SUGCT: variants seen among roughly 807,000 people sequenced by gnomAD.
The protein encoded by SUGCT is succinyl-CoA:glutarate CoA-transferase.
In SUGCT, 41 loss-of-function variants were observed where a neutral mutation model predicts 55.0. That is an observed-to-expected ratio of 0.74 (90% CI 0.58 to 0.97). The LOEUF (loss-of-function observed/expected upper bound fraction) is 0.97. SUGCT is among the 50% of genes least tolerant of loss of function. SUGCT has a pLI of 0.00. For missense variants in SUGCT, 568 were observed against 547.8 expected (o/e 1.04, Z -0.37); for synonymous variants, 187 against 200.4 (o/e 0.93, Z 0.56).
chr7:40,662,841 C>G (rs1270706509), intron 12 of SUGCT, among the ~76,000 whole-genome samples: 2 of 152,196 alleles, frequency 1.3e-5, no homozygotes, highest in Non-Finnish European at 2.9e-5. Flanking sequence ...TAATCATGCT[C>G]TAATACTTAA....
At chr7:40,231,974 G>A (rs1451925488) in intron 6 of SUGCT, among the ~76,000 whole-genome samples, 1 of 152,106 alleles carries the variant, frequency 6.6e-6, no homozygotes, top group Admixed American at 6.6e-5. Flanking sequence ...GGTGGTGCAT[G>A]CCTGTGGTCA....
intron 12 of SUGCT, among the ~76,000 whole-genome samples, chr7:40,633,498 G>A (rs1314337855): frequency 6.6e-6 from 1 of 152,202 alleles, no homozygotes; most frequent in East Asian, 1.9e-4. Flanking sequence ...TTTATATGAA[G>A]TCTCTTGTCA....
At chr7:40,959,231 T>C in the SUGCT span, among the ~76,000 whole-genome samples, 1 of 152,242 alleles carries the variant, frequency 6.6e-6, no homozygotes, top group Non-Finnish European at 1.5e-5. Flanking sequence ...AGAGCCAGCA[T>C]GCCAGAACAT....
At chr7:40,525,093 A>G (rs1357062950) in intron 12 of SUGCT, among the ~76,000 whole-genome samples, 4 of 152,208 alleles carry the variant, frequency 2.6e-5, no homozygotes, top group African/African-American at 9.6e-5. Context: ...TTGTAAATTC[A>G]ATATAACAGA....
chr7:40,270,689 A>G (rs1000565889), intron 7 of SUGCT, among the ~76,000 whole-genome samples: 1 of 152,080 alleles, frequency 6.6e-6, no homozygotes, highest in African/African-American at 2.4e-5. Context: ...TGTTTATGGT[A>G]TTTCCATATG....
intron 12 of SUGCT, among the ~76,000 whole-genome samples, chr7:40,583,251 A>G (rs1327049403): frequency 6.6e-6 from 1 of 152,234 alleles, no homozygotes; most frequent in African/African-American, 2.4e-5. Context: ...TCATAAGGCA[A>G]TATAAAAGTC....
At chr7:40,376,623 C>A (rs1370210717) in intron 9 of SUGCT, among the ~76,000 whole-genome samples, 1 of 152,084 alleles carries the variant, frequency 6.6e-6, no homozygotes, top group Non-Finnish European at 1.5e-5. Context: ...AACTCTTGAC[C>A]TCAGGTGATC....
At chr7:40,477,089 T>A (rs529198392) in intron 11 of SUGCT, among the ~76,000 whole-genome samples, 1 of 152,220 alleles carries the variant, frequency 6.6e-6, no homozygotes, top group Non-Finnish European at 1.5e-5. Context: ...GAAACAGTAT[T>A]TGAGATAAAT....
chr7:40,784,229 G>T (rs990103447), intron 13 of SUGCT, among the ~76,000 whole-genome samples: 1 of 152,026 alleles, frequency 6.6e-6, no homozygotes, highest in African/African-American at 2.4e-5. Flanking sequence ...GGGTGAGGGG[G>T]GTAGTGAGTT....
At chr7:41,020,136 A>T in the SUGCT span, among the ~76,000 whole-genome samples, 1 of 152,246 alleles carries the variant, frequency 6.6e-6, no homozygotes, top group Non-Finnish European at 1.5e-5. Context: ...TCTGGAACTT[A>T]TCTCATGCTA....
chr7:40,729,306 G>A (rs1410330956), intron 12 of SUGCT, among the ~76,000 whole-genome samples: 13 of 152,206 alleles, frequency 8.5e-5, no homozygotes, highest in Admixed American at 8.5e-4. Flanking sequence ...AAAGGTCAGT[G>A]AGCATGTCCC....
intron 1 of SUGCT, chr7:40,153,712 C>T: frequency 2.0e-6 from 1 of 495,108 alleles, no homozygotes; most frequent in Non-Finnish European, 4.1e-6. Flanking sequence ...TAATAATCCT[C>T]TGGTTGTGAA....
At chr7:40,253,129 T>G (rs1335720898) in intron 7 of SUGCT, among the ~76,000 whole-genome samples, 7 of 152,238 alleles carry the variant, frequency 4.6e-5, no homozygotes, top group Admixed American at 4.6e-4. Flanking sequence ...ATAAGCTGTT[T>G]AGACAAACTA....
At chr7:40,778,601 T>A (rs749314991) in intron 13 of SUGCT, among the ~76,000 whole-genome samples, 4 of 152,236 alleles carry the variant, frequency 2.6e-5, no homozygotes, top group Non-Finnish European at 5.9e-5. Flanking sequence ...AAAGGAACCC[T>A]GGCATCCTGC....
intron 3 of SUGCT, among the ~76,000 whole-genome samples, chr7:40,187,113 T>G (rs1239386900): frequency 6.6e-6 from 1 of 152,108 alleles, no homozygotes; most frequent in Non-Finnish European, 1.5e-5. Flanking sequence ...CCATAAAAAA[T>G]GATGAGTTCA....
At chr7:40,190,397 G>A (rs1785819209) in intron 5 of SUGCT, among the ~76,000 whole-genome samples, 1 of 152,094 alleles carries the variant, frequency 6.6e-6, no homozygotes, top group Non-Finnish European at 1.5e-5. Context: ...TTACAGGTGT[G>A]CACTAGCACA....
the SUGCT span, among the ~76,000 whole-genome samples, chr7:40,878,060 C>T: frequency 6.6e-6 from 1 of 152,130 alleles, no homozygotes; most frequent in Non-Finnish European, 1.5e-5. Flanking sequence ...CTTGGGGGTA[C>T]TCCATTATAT....
the SUGCT span, among the ~76,000 whole-genome samples, chr7:40,932,332 CT>C: frequency 1.3e-5 from 2 of 152,140 alleles, no homozygotes; most frequent in Non-Finnish European, 2.9e-5. Flanking sequence ...CTGAGGAGTG[CT>C]TTACTTCCAA....
chr7:40,940,522 T>C, the SUGCT span, among the ~76,000 whole-genome samples: 1 of 152,176 alleles, frequency 6.6e-6, no homozygotes, highest in Admixed American at 6.6e-5. Flanking sequence ...GCATGGGATG[T>C]ATTTCCATTT....
Sources: gnomAD v4.1 joint callset for allele counts (sites outside exome capture counted in the v4.1 genomes callset) on GRCh38, gnomAD v4.1.1 for gene constraint, MANE v1.5 for transcripts, NCBI Gene and HGNC (gene_info 2026-07-23, HGNC 2026-07-21) for gene names.